The following AKR1C2 variants were observed in gnomAD, a reference collection of about 807,000 sequenced individuals.
AKR1C2 encodes aldo-keto reductase family 1 member C2.
In AKR1C2, 27 loss-of-function variants were observed where a neutral mutation model predicts 39.8. That is an observed-to-expected ratio of 0.68 (90% CI 0.50 to 0.93). The LOEUF is 0.93. Among genes scored for constraint, AKR1C2 ranks in the 40% least tolerant of loss-of-function variants. AKR1C2 has a pLI of 0.00. For missense variants in AKR1C2, 263 were observed against 365.1 expected (o/e 0.72, Z 2.28); for synonymous variants, 114 against 137.9 (o/e 0.83, Z 1.22).
rs569766206 is a variant in AKR1C2, at chr10:4,988,448, C to G, written c.*1548G>C. The G allele has an allele frequency of 4.6e-4, 70 of 151,974 alleles. No homozygotes were observed. The highest frequency in any genetic ancestry group is 8.5e-4 in the Non-Finnish European group (58 of 67,930). 9.4% of individuals were successfully genotyped at this position (151,974 alleles called of 1,614,324 possible). A position where few individuals can be genotyped will look rare whatever the true frequency, so the allele number is the denominator to read the frequency against. On this transcript the variant is annotated 3_prime_UTR_variant, in exon 9 of 9. Coordinates refer to ENST00000380753, the MANE Select transcript of AKR1C2 (RefSeq NM_001393392.1). ...AATATTTTTTGGTGGATTTCTCAGC[C>G]TAGAGGTGATATTTAATGCAGAGAA...
At chr10:5,006,797 TTC>T (rs1554774438), upstream of AKR1C2, among the ~76,000 whole-genome samples, 2 of 148,608 alleles carry the variant, frequency 1.3e-5, no homozygotes, top group East Asian at 4.0e-4. Flanking sequence ...TTTTTTTTTT[TTC>T]GGAGTTTTGC....
At chr10:5,013,638 G>A (rs141200498) in intron 1 of AKR1C2, 7,722 of 153,904 alleles carry the variant, frequency 0.05, 273 homozygotes, top group Non-Finnish European at 0.078. Context: ...AGAAGGAAAT[G>A]GGTGTAGATC....
chr10:4,988,059 A>G lies in AKR1C2; in HGVS notation c.*1937T>C, dbSNP rs1357109971. The G allele has an allele frequency of 1.3e-5, 2 of 152,186 alleles. No individual in the cohort carries two copies. The highest frequency in any genetic ancestry group is 2.1e-4 in the South Asian group (1 of 4,830). The allele number at this position is 152,186 out of a possible 1,614,324, so 9.4% of individuals were successfully genotyped here. On this transcript the variant is annotated 3_prime_UTR_variant, in exon 9 of 9. Coordinates refer to ENST00000380753, the MANE Select transcript of AKR1C2 (RefSeq NM_001393392.1). ...TAAAAATGGATGGTGAAGAACTGGA[A>G]AAAGCCCACAGCAGCCGTACTATTT...
chr10:5,011,579 A>G lies in AKR1C2; in HGVS notation c.-88+6321T>C, dbSNP rs114283246. 4.9e-3 allele frequency among the ~76,000 whole-genome samples: 753 copies of G among 152,352 alleles called. 5 individuals carry two copies. The highest frequency in any genetic ancestry group is 0.017 in the African/African-American group (713 of 41,592). On this transcript the variant is annotated intron_variant, in intron 1 of 6. Transcript: ENST00000604507. ...GGCAATTTGATCTGGCTGCACGCAC[A>G]TTGATCCAGTTTGTTTGCTATAAGC...
intron 3 of AKR1C2, 129 bp downstream of exon 3, chr10:5,000,421 G>A: frequency 6.3e-7 from 1 of 1,583,526 alleles, no homozygotes; most frequent in Non-Finnish European, 8.6e-7. Context: ...TAGGAGTTAT[G>A]TTTAGGGCTC....
intron 1 of AKR1C2, chr10:5,014,832 G>T (rs1450931358): frequency 3.3e-5 from 5 of 152,156 alleles, no homozygotes; most frequent in Admixed American, 1.3e-4. Flanking sequence ...CCCTTTCCTT[G>T]CAAATAGCTC....
chr10:5,017,696 C>T (rs570235524), intron 1 of AKR1C2, among the ~76,000 whole-genome samples: 7 of 152,272 alleles, frequency 4.6e-5, no homozygotes, highest in African/African-American at 1.7e-4. Flanking sequence ...ACTACCTATC[C>T]AGTTCCAAAT....
intron 4 of AKR1C2, among the ~76,000 whole-genome samples, 182 bp downstream of exon 4, chr10:4,999,018 C>T (rs1302510000): frequency 6.6e-6 from 1 of 152,094 alleles, no homozygotes; most frequent in Non-Finnish European, 1.5e-5. Context: ...AATTCTTCTC[C>T]TCCACTTCTC....
At chr10:5,011,269 T>C (rs2398164) in intron 1 of AKR1C2, among the ~76,000 whole-genome samples, 1 of 152,214 alleles carries the variant, frequency 6.6e-6, no homozygotes, top group Non-Finnish European at 1.5e-5. Flanking sequence ...CCACTGGATC[T>C]TCTGTCTCCC....
chr10:4,990,097 A>G (rs1836782760), intron 8 of AKR1C2, 59 bp from the exon 9 acceptor site: 1 of 1,605,010 alleles, frequency 6.2e-7, no homozygotes, highest in South Asian at 1.1e-5. Flanking sequence ...ACTAGCCCGT[A>G]GCGCAGTGAT....
chr10:4,999,470 CT>C, intron 3 of AKR1C2, 193 bp from the exon 4 acceptor site: 1 of 1,182,268 alleles, frequency 8.5e-7, no homozygotes, highest in Admixed American at 2.8e-5. Flanking sequence ...CCTCTAATCT[CT>C]TACACCTATT....
intron 1 of AKR1C2, among the ~76,000 whole-genome samples, chr10:5,012,296 C>G (rs1426722526): frequency 1.3e-5 from 2 of 151,974 alleles, no homozygotes; most frequent in Non-Finnish European, 2.9e-5. Flanking sequence ...CTCCCTCCCC[C>G]TGCCCTGCCA....
At chr10:4,993,343 A>G (rs1428448062) in intron 7 of AKR1C2, among the ~76,000 whole-genome samples, 1 of 152,206 alleles carries the variant, frequency 6.6e-6, no homozygotes, top group East Asian at 1.9e-4. Context: ...TTGCTCATGG[A>G]CATTTCATAT....
At chr10:5,009,678 G>A (rs192463792) in intron 1 of AKR1C2, among the ~76,000 whole-genome samples, 192 of 152,000 alleles carry the variant, frequency 1.3e-3, no homozygotes, top group African/African-American at 4.1e-3. Flanking sequence ...CTGTTTTCAC[G>A]CCCCCAAAAT....
chr10:5,001,453 T>C (rs1171854493), intron 2 of AKR1C2, 61 bp downstream of exon 2: 4 of 1,563,078 alleles, frequency 2.6e-6, no homozygotes, highest in Non-Finnish European at 3.5e-6. Context: ...GTCATAGAAC[T>C]GCCACCTCCA....
At chr10:5,001,466 C>A in intron 2 of AKR1C2, 48 bp downstream of exon 2, 1 of 1,578,518 alleles carries the variant, frequency 6.3e-7, no homozygotes, top group South Asian at 1.2e-5. Flanking sequence ...CACCTCCACA[C>A]AATCACAATA....
rs1554771933 is a variant in AKR1C2 at position 4,989,952 on chromosome 10, C to T, written c.*44G>A. The T allele has an allele frequency of 1.3e-6, 2 of 1,509,166 alleles. No individual in the cohort carries two copies. The highest frequency in any genetic ancestry group is 1.8e-6 in the Non-Finnish European group (2 of 1,089,626). The allele number at this position is 1,509,166 out of a possible 1,614,324, so 93.5% of individuals were successfully genotyped here. On this transcript the variant is annotated 3_prime_UTR_variant, in exon 9 of 9. Coordinates refer to ENST00000380753, the MANE Select transcript of AKR1C2 (RefSeq NM_001393392.1). ...TAGAGCCATCCTCTGTGTCACCATC[C>T]ACACGCAGGGCCTTCTGGCAGACCT...
intron 2 of AKR1C2, 82 bp downstream of exon 2, chr10:5,001,432 C>G: frequency 6.5e-7 from 1 of 1,536,052 alleles, no homozygotes; most frequent in Non-Finnish European, 8.7e-7. Flanking sequence ...TCACCCTCAA[C>G]TATGGATCCA....
At chr10:5,001,770 T>G in intron 1 of AKR1C2, 89 bp from the exon 2 acceptor site, 1 of 1,556,560 alleles carries the variant, frequency 6.4e-7, no homozygotes, top group Non-Finnish European at 8.8e-7. Context: ...AAAATCAGCT[T>G]TTCCTCCTTT....
Sources: allele counts gnomAD v4.1 joint callset (sites outside exome capture counted in the v4.1 genomes callset), GRCh38; gene constraint gnomAD v4.1.1; transcripts MANE v1.5; gene names NCBI Gene and HGNC (gene_info 2026-07-23, HGNC 2026-07-21).